NRXN1: variants seen among roughly 807,000 people sequenced by gnomAD.
NRXN1 encodes neurexin-1.
Under a neutral mutation model 150.9 loss-of-function variants are expected in NRXN1, and 39 were observed. That is an observed-to-expected ratio of 0.26 (90% CI 0.20 to 0.34). The LOEUF (loss-of-function observed/expected upper bound fraction) is 0.34, where lower values mean the gene tolerates loss of function less well. Among genes scored for constraint, NRXN1 ranks in the 10% least tolerant of loss-of-function variants. The probability of loss-of-function intolerance (pLI) is 1.00; values close to 1 mark genes in which losing one functional copy is unlikely to be tolerated. For missense variants in NRXN1, 1,815 were observed against 1,949.9 expected, an observed-to-expected ratio of 0.93 and a Z score of 1.30; for synonymous variants, 924 against 757.0, an observed-to-expected ratio of 1.22 and a Z score of -3.62.
intron 18 of NRXN1, among the ~76,000 whole-genome samples, chr2:50,138,624 T>A (rs1706769697): frequency 6.6e-6 from 1 of 152,232 alleles, no homozygotes; most frequent in Non-Finnish European, 1.5e-5. Context: ...ATTATTTCAT[T>A]CCCCTTCTCA....
chr2:50,299,281 C>G, intron 17 of NRXN1, among the ~76,000 whole-genome samples: 1 of 152,084 alleles, frequency 6.6e-6, no homozygotes, highest in Non-Finnish European at 1.5e-5. Flanking sequence ...TATATTGGCT[C>G]TAATGATAAT....
At chr2:50,650,616 G>A (rs1685476326) in intron 5 of NRXN1, among the ~76,000 whole-genome samples, 1 of 151,972 alleles carries the variant, frequency 6.6e-6, no homozygotes. Context: ...GCCTAAACAA[G>A]CAGAAAAGTA....
chr2:50,922,382 T>C (rs1449042357), intron 4 of NRXN1: 2 of 557,722 alleles, frequency 3.6e-6, no homozygotes, highest in African/African-American at 1.9e-5. Context: ...CTGATAAGTA[T>C]ATAGAAACTT....
intron 9 of NRXN1, among the ~76,000 whole-genome samples, chr2:50,552,195 T>A (rs1446017371): frequency 1.3e-5 from 2 of 151,718 alleles, no homozygotes; most frequent in Non-Finnish European, 2.9e-5. Context: ...ATCATTCTAA[T>A]TTTTTTTTCA....
At position 51,028,031 on chromosome 2, in the gene NRXN1, C is replaced by A. The variant is rs772988256; in HGVS notation, c.243G>T (p.Leu81=). The A allele has an allele frequency of 2.5e-6, 4 of 1,599,954 alleles. No homozygotes were observed. The highest frequency in any genetic ancestry group is 3.4e-6 in the Non-Finnish European group (4 of 1,177,572). The change falls in exon 2 of 23, where the codon CTG becomes CTT. Residue 81 remains leucine (L), a synonymous_variant. Coordinates refer to ENST00000401669, the MANE Select transcript of NRXN1 (RefSeq NM_001330078.2). ...GCAGGCGGCCGCCGCGCGTCAGAAT[C>A]AGCTCCAGGAAGTCGCAGAAGCCCT... ...DDEGFCDFLE[L]ILTRGGRLQL... is the part of the protein sequence containing the mutation.
At chr2:50,842,614 A>C (rs1292035437) in intron 5 of NRXN1, among the ~76,000 whole-genome samples, 1 of 152,180 alleles carries the variant, frequency 6.6e-6, no homozygotes, top group Non-Finnish European at 1.5e-5. Flanking sequence ...AACTAATCTG[A>C]TATCCATTTG....
intron 5 of NRXN1, chr2:50,656,436 A>C: frequency 1.3e-6 from 1 of 766,962 alleles, no homozygotes; most frequent in South Asian, 1.4e-5. Context: ...AAGTTCTAGA[A>C]GTATCAAGTT....
chr2:50,799,203 G>A (rs975121571), intron 5 of NRXN1, among the ~76,000 whole-genome samples: 4 of 152,130 alleles, frequency 2.6e-5, no homozygotes, highest in East Asian at 1.9e-4. Context: ...TGAATTCATC[G>A]GTCAATGGAT....
intron 18 of NRXN1, among the ~76,000 whole-genome samples, chr2:50,150,570 C>G (rs1558980846): frequency 6.6e-6 from 1 of 151,724 alleles, no homozygotes; most frequent in Non-Finnish European, 1.5e-5. Context: ...GTGTATCTGT[C>G]ATTTTGTACA....
At chr2:50,906,955 A>G (rs2104024199) in intron 5 of NRXN1, among the ~76,000 whole-genome samples, 1 of 152,030 alleles carries the variant, frequency 6.6e-6, no homozygotes, top group Admixed American at 6.6e-5. Context: ...AAGGTCTCTG[A>G]CCTTTTCCTG....
chr2:50,251,013 A>ATAAATT lies in NRXN1; in HGVS notation c.3365-14044_3365-14043insAATTTA, dbSNP rs1553842828. ...ATTTATTACACATTGCATATGTGTA[A>ATAAATT]TATTACATATTGTATATGTAATAAA... On this transcript the variant is annotated intron_variant, in intron 17 of 22. Coordinates refer to ENST00000401669, the MANE Select transcript of NRXN1 (RefSeq NM_001330078.2). Among the ~76,000 whole-genome samples the ATAAATT allele has an allele frequency of 9.7e-4, 143 of 148,148 alleles. 12 individuals are homozygous for ATAAATT. The highest frequency in any genetic ancestry group is 2.0e-3 in the East Asian group (10 of 5,024).
At chr2:50,711,228 C>A (rs934784689) in intron 5 of NRXN1, among the ~76,000 whole-genome samples, 2 of 151,948 alleles carry the variant, frequency 1.3e-5, no homozygotes, top group Non-Finnish European at 2.9e-5. Context: ...TATTGAAAAA[C>A]CACATTCCCA....
intron 18 of NRXN1, among the ~76,000 whole-genome samples, chr2:50,219,996 AT>A (rs1468277797): frequency 7.6e-5 from 3 of 39,282 alleles, no homozygotes; most frequent in African/African-American, 3.6e-4. Context: ...TATATATAAT[AT>A]ATATTATATA....
At chr2:50,142,524 CT>C (rs1165163343) in intron 18 of NRXN1, among the ~76,000 whole-genome samples, 2 of 151,714 alleles carry the variant, frequency 1.3e-5, no homozygotes, top group Non-Finnish European at 2.9e-5. Flanking sequence ...ATAAATCCCC[CT>C]GACTTGATCG....
chr2:50,611,800 C>T (rs1289427339), intron 8 of NRXN1, among the ~76,000 whole-genome samples: 1 of 152,080 alleles, frequency 6.6e-6, no homozygotes. Flanking sequence ...GGAAGAGGTT[C>T]ACAGAGGTAA....
intron 5 of NRXN1, among the ~76,000 whole-genome samples, chr2:50,872,323 G>C (rs1677902541): frequency 6.6e-6 from 1 of 151,750 alleles, no homozygotes; most frequent in East Asian, 2.0e-4. Flanking sequence ...GCCTACACAA[G>C]GGCCCATCCA....
intron 21 of NRXN1, among the ~76,000 whole-genome samples, chr2:50,049,652 G>A (rs375737608): frequency 3.3e-5 from 5 of 152,252 alleles, no homozygotes; most frequent in African/African-American, 7.2e-5. Flanking sequence ...AAGCTTGATC[G>A]TAAAAGAAAC....
At chr2:50,540,623 G>T (rs2093367018) in intron 9 of NRXN1, among the ~76,000 whole-genome samples, 1 of 151,974 alleles carries the variant, frequency 6.6e-6, no homozygotes, top group Non-Finnish European at 1.5e-5. Flanking sequence ...TATTATCATG[G>T]AAAGCAAAGA....
intron 8 of NRXN1, among the ~76,000 whole-genome samples, chr2:50,594,163 C>A (rs1435141683): frequency 6.6e-6 from 1 of 152,168 alleles, no homozygotes; most frequent in East Asian, 1.9e-4. Flanking sequence ...AATTACCCAG[C>A]CTCGGGCAGT....
Sources: allele counts gnomAD v4.1 joint callset (sites outside exome capture counted in the v4.1 genomes callset), GRCh38; gene constraint gnomAD v4.1.1; transcripts MANE v1.5; gene names NCBI Gene and HGNC (gene_info 2026-07-23, HGNC 2026-07-21).